The following KCNMB2 variants were observed in gnomAD, a reference collection of about 807,000 sequenced individuals.
The protein encoded by KCNMB2 is potassium calcium-activated channel subfamily M regulatory beta subunit 2.
In KCNMB2, 9 loss-of-function variants were observed where a neutral mutation model predicts 24.5. The ratio of observed to expected loss-of-function variants is 0.37; its 90% CI spans 0.22 to 0.64. KCNMB2 has a LOEUF of 0.64. Ranked by LOEUF, KCNMB2 falls within the 30% of genes least tolerant of loss-of-function variation. KCNMB2 has a pLI of 0.63. For missense variants in KCNMB2, 226 were observed against 284.3 expected (o/e 0.79, Z 1.47); for synonymous variants, 109 against 104.4 (o/e 1.04, Z -0.27).
intron 4 of KCNMB2, among the ~76,000 whole-genome samples, chr3:178,836,350 A>G (rs1299425243): frequency 6.6e-6 from 1 of 152,180 alleles, no homozygotes; most frequent in Non-Finnish European, 1.5e-5. Flanking sequence ...TTCCCCAAAA[A>G]TTGGAGAGAA....
intron 1 of KCNMB2, among the ~76,000 whole-genome samples, chr3:178,562,380 G>A (rs749600871): frequency 1.3e-5 from 2 of 152,180 alleles, no homozygotes; most frequent in Non-Finnish European, 2.9e-5. Context: ...AAGAGATTGA[G>A]AAGCCCCAGA....
chr3:178,717,178 A>G (rs1290276145), intron 1 of KCNMB2, among the ~76,000 whole-genome samples: 1 of 152,138 alleles, frequency 6.6e-6, no homozygotes, highest in Non-Finnish European at 1.5e-5. Context: ...GTGTATTTCT[A>G]TTATGCTTTT....
intron 1 of KCNMB2, among the ~76,000 whole-genome samples, chr3:178,597,794 G>T (rs762410374): frequency 4.6e-5 from 7 of 152,096 alleles, no homozygotes; most frequent in Non-Finnish European, 1.0e-4. Flanking sequence ...TTATAGGCAA[G>T]ATATTTAGAT....
At chr3:178,658,961 A>G (rs1012543138) in intron 1 of KCNMB2, among the ~76,000 whole-genome samples, 4 of 152,230 alleles carry the variant, frequency 2.6e-5, no homozygotes, top group Admixed American at 1.3e-4. Flanking sequence ...TATTAAGAAT[A>G]CCAGGTTATC....
chr3:178,658,187 G>A (rs1383089013), intron 1 of KCNMB2, among the ~76,000 whole-genome samples: 3 of 152,220 alleles, frequency 2.0e-5, no homozygotes, highest in East Asian at 1.9e-4. Flanking sequence ...AGACATAGAT[G>A]ATGAGAGGGA....
At chr3:178,623,421 G>A (rs976142904) in intron 1 of KCNMB2, among the ~76,000 whole-genome samples, 6 of 152,196 alleles carry the variant, frequency 3.9e-5, no homozygotes, top group East Asian at 1.9e-4. Flanking sequence ...CCAGATATAC[G>A]GCAGGGAGAA....
chr3:178,639,175 T>C (rs980190108), intron 1 of KCNMB2, among the ~76,000 whole-genome samples: 6 of 152,206 alleles, frequency 3.9e-5, no homozygotes, highest in Non-Finnish European at 8.8e-5. Context: ...TTGATATATA[T>C]GATCTGTTTT....
chr3:178,813,731 TTGTG>T (rs1375243309), intron 2 of KCNMB2, among the ~76,000 whole-genome samples: 1 of 152,224 alleles, frequency 6.6e-6, no homozygotes, highest in Admixed American at 6.5e-5. Context: ...CATCATTTGT[TTGTG>T]TAATTTTGGT....
intron 1 of KCNMB2, among the ~76,000 whole-genome samples, chr3:178,655,562 T>C (rs1389198351): frequency 6.6e-6 from 1 of 152,196 alleles, no homozygotes; most frequent in Non-Finnish European, 1.5e-5. Context: ...GCCTTTGAGC[T>C]TTCCCAATCT....
chr3:178,559,262 T>C (rs566310335), intron 1 of KCNMB2, among the ~76,000 whole-genome samples: 1 of 152,206 alleles, frequency 6.6e-6, no homozygotes, highest in South Asian at 2.1e-4. Context: ...CTTTTCTTAG[T>C]TGGATTTAGG....
intron 1 of KCNMB2, among the ~76,000 whole-genome samples, chr3:178,607,522 T>C (rs997202726): frequency 1.3e-5 from 2 of 152,168 alleles, no homozygotes; most frequent in East Asian, 3.8e-4. Flanking sequence ...AATGTAGGCA[T>C]TGTATCTTAT....
chr3:178,645,093 C>A (rs947186834), intron 1 of KCNMB2, among the ~76,000 whole-genome samples: 3 of 141,114 alleles, frequency 2.1e-5, no homozygotes, highest in African/African-American at 8.2e-5. Context: ...TCTTGTTGCC[C>A]AGACTGGAGT....
At chr3:178,779,851 T>C (rs1170324501) in intron 1 of KCNMB2, among the ~76,000 whole-genome samples, 1 of 152,126 alleles carries the variant, frequency 6.6e-6, no homozygotes, top group East Asian at 1.9e-4. Context: ...ATAGTTTAAT[T>C]CTACTATACC....
chr3:178,653,612 A>T (rs1720211998), intron 1 of KCNMB2, among the ~76,000 whole-genome samples: 1 of 152,110 alleles, frequency 6.6e-6, no homozygotes, highest in African/African-American at 2.4e-5. Context: ...GAAACCATAA[A>T]TCTTCATCAA....
chr3:178,604,221 C>T (rs1718196253), intron 1 of KCNMB2, among the ~76,000 whole-genome samples: 1 of 152,046 alleles, frequency 6.6e-6, no homozygotes, highest in Non-Finnish European at 1.5e-5. Context: ...GAAATTAAAC[C>T]ACAGAACTGA....
chr3:178,645,025 T>A (rs1577068956), intron 1 of KCNMB2, among the ~76,000 whole-genome samples: 2 of 149,826 alleles, frequency 1.3e-5, no homozygotes, highest in Non-Finnish European at 3.0e-5. Flanking sequence ...GTAGTTCCCC[T>A]CCCTTGTTTA....
intron 1 of KCNMB2, among the ~76,000 whole-genome samples, chr3:178,806,243 C>A (rs1388611923): frequency 6.6e-6 from 1 of 152,176 alleles, no homozygotes; most frequent in Non-Finnish European, 1.5e-5. Context: ...AAATCTCAAC[C>A]TTCTGAAAGC....
intron 1 of KCNMB2, among the ~76,000 whole-genome samples, chr3:178,757,973 A>G (rs1257029128): frequency 1.4e-5 from 1 of 73,848 alleles, no homozygotes; most frequent in Non-Finnish European, 2.6e-5. Flanking sequence ...ATATATATAT[A>G]GACACAAGAG....
chr3:178,666,584 A>G (rs1207019174), intron 1 of KCNMB2, among the ~76,000 whole-genome samples: 3 of 152,172 alleles, frequency 2.0e-5, no homozygotes, highest in Non-Finnish European at 4.4e-5. Flanking sequence ...TAAAACTCGC[A>G]TATGAAATAA....
Sources: allele counts gnomAD v4.1 joint callset (sites outside exome capture counted in the v4.1 genomes callset), GRCh38; gene constraint gnomAD v4.1.1; transcripts MANE v1.5; gene names NCBI Gene and HGNC (gene_info 2026-07-23, HGNC 2026-07-21).